Variants in MAP2 observed in about 807,000 individuals in gnomAD.
MAP2 encodes microtubule-associated protein 2.
In MAP2, 14 loss-of-function variants were observed where a neutral mutation model predicts 137.6. The observed-to-expected ratio is 0.10, with a 90% CI of 0.07 to 0.16. MAP2 has a LOEUF of 0.16. MAP2 is among the 10% of genes least tolerant of loss of function. The pLI is 1.00. For missense variants in MAP2, 2,088 were observed against 2,191.5 expected (o/e 0.95, Z 0.94); for synonymous variants, 786 against 782.3 (o/e 1.00, Z -0.08).
intron 2 of MAP2, among the ~76,000 whole-genome samples, chr2:209,576,478 C>T (rs891667699): frequency 2.6e-5 from 4 of 151,898 alleles, no homozygotes; most frequent in African/African-American, 7.3e-5. Flanking sequence ...AACTCCTGAC[C>T]TCAGGTGATC....
At chr2:209,580,210 G>A (rs1244675245) in intron 3 of MAP2, 110 bp downstream of exon 3, 2 of 152,014 alleles carry the variant, frequency 1.3e-5, no homozygotes, top group African/African-American at 2.4e-5. Context: ...TTAAGCTTAA[G>A]TTGATCATTG....
intron 7 of MAP2, among the ~76,000 whole-genome samples, chr2:209,688,358 A>T (rs904646026): frequency 1.3e-5 from 2 of 152,178 alleles, no homozygotes; most frequent in African/African-American, 2.4e-5. Context: ...CCTTAGACAC[A>T]TAATATTACT....
chr2:209,718,568 A>G (rs2068742121), intron 13 of MAP2, among the ~76,000 whole-genome samples: 1 of 151,820 alleles, frequency 6.6e-6, no homozygotes, highest in Non-Finnish European at 1.5e-5. Flanking sequence ...TATTCCACTA[A>G]AACGTTCTTT....
At chr2:209,480,537 A>AGTTTGTTTGTTT (rs71043928) in intron 1 of MAP2, among the ~76,000 whole-genome samples, 8,302 of 150,608 alleles carry the variant, frequency 0.055, 262 homozygotes, top group Middle Eastern at 0.082. Flanking sequence ...GATGATCTAA[A>AGTTTGTTTGTTT]GTTTGTTTGT....
chr2:209,567,037 T>C (rs894274353), intron 2 of MAP2, among the ~76,000 whole-genome samples: 6 of 152,180 alleles, frequency 3.9e-5, no homozygotes, highest in African/African-American at 1.4e-4. Context: ...AAAGTATGTA[T>C]AAACTGGACA....
chr2:209,672,761 GCCTA>G (rs2049410907), intron 5 of MAP2, among the ~76,000 whole-genome samples: 2 of 151,832 alleles, frequency 1.3e-5, no homozygotes. Context: ...AAATGAAAGT[GCCTA>G]CTGTAACAAC....
intron 6 of MAP2, among the ~76,000 whole-genome samples, chr2:209,680,347 T>C (rs191441571): frequency 6.6e-4 from 100 of 152,280 alleles, no homozygotes; most frequent in Admixed American, 6.3e-3. Context: ...AGAGTTCTAA[T>C]AGTTTTTTCA....
rs1435496212 is a variant in MAP2, at chr2:209,732,638, CT to C, written c.*2242del. 6.6e-6 allele frequency: 1 copy of C among 152,526 alleles called. No homozygotes were observed. Among genetic ancestry groups the C allele is most frequent in the South Asian group, 2.1e-4 (1 of 4,830 alleles). The allele number at this position is 152,526 out of a possible 1,614,324, so 9.4% of individuals were successfully genotyped here. On this transcript the variant is annotated 3_prime_UTR_variant, in exon 16 of 16. Transcript: ENST00000682079. ...AATTTCTCTAGAAAGAAGTTAACAG[CT>C]CATTAGAAAAGTTTTAACCTGTGAA...
chr2:209,553,271 A>G (rs1380335030), intron 2 of MAP2, among the ~76,000 whole-genome samples: 3 of 152,136 alleles, frequency 2.0e-5, no homozygotes, highest in Admixed American at 2.0e-4. Context: ...TCGGCCTCCC[A>G]AAGTGCTGGG....
intron 10 of MAP2, among the ~76,000 whole-genome samples, chr2:209,698,062 C>A (rs2060734911): frequency 6.6e-6 from 1 of 151,208 alleles, no homozygotes; most frequent in Non-Finnish European, 1.5e-5. Flanking sequence ...CTTGGCCAGG[C>A]TGGTTTTGAA....
chr2:209,499,078 C>T (rs1396605148), intron 1 of MAP2, among the ~76,000 whole-genome samples: 1 of 152,158 alleles, frequency 6.6e-6, no homozygotes, highest in African/African-American at 2.4e-5. Context: ...CTGTGCTTCC[C>T]TTTTAAATAT....
chr2:209,593,831 A>G (rs2080337973), intron 3 of MAP2, among the ~76,000 whole-genome samples: 1 of 90,064 alleles, frequency 1.1e-5, no homozygotes, highest in African/African-American at 4.1e-5. Flanking sequence ...CATTATATTT[A>G]TATTATATTA....
chr2:209,611,008 C>A (rs537689326), intron 3 of MAP2, among the ~76,000 whole-genome samples: 53 of 152,042 alleles, frequency 3.5e-4, no homozygotes, highest in Non-Finnish European at 4.7e-4. Flanking sequence ...ATTATACACA[C>A]AAAAAAGTTA....
chr2:209,481,754 G>A (rs770585863), intron 1 of MAP2, among the ~76,000 whole-genome samples: 2 of 152,122 alleles, frequency 1.3e-5, no homozygotes, highest in Non-Finnish European at 2.9e-5. Context: ...TGAATAAAGG[G>A]AATTATGATA....
chr2:209,457,970 G>A (rs551696163), intron 1 of MAP2, among the ~76,000 whole-genome samples: 2 of 152,128 alleles, frequency 1.3e-5, no homozygotes, highest in African/African-American at 4.8e-5. Context: ...TCTTGATTTT[G>A]TTGGGACTGC....
In MAP2 at chr2:209,693,642, C is replaced by G; in HGVS notation, c.1472C>G (p.Thr491Arg). 2 of 1,613,944 alleles carry G rather than the reference C, an allele frequency of 1.2e-6. No homozygotes were observed. Among genetic ancestry groups the G allele is most frequent in the Non-Finnish European group, 1.7e-6 (2 of 1,180,004 alleles). The change falls in exon 8 of 16, where the codon ACA becomes AGA. Residue 491 changes from threonine (T) to arginine (R), a missense_variant. Transcript: ENST00000682079. ...FSEQKDQEPT[T>R]DMLKQDSFPV... ...GAACAGAAAGACCAAGAGCCTACCA[C>G]AGATATGTTGAAACAGGACTCGTTC...
intron 4 of MAP2, among the ~76,000 whole-genome samples, chr2:209,642,565 T>C (rs1182898824): frequency 1.3e-5 from 2 of 152,190 alleles, no homozygotes; most frequent in Non-Finnish European, 2.9e-5. Flanking sequence ...CCTAATGTTA[T>C]CTGTGCCTAT....
At position 209,569,450 on chromosome 2, in the gene MAP2, C is replaced by T. The variant is rs147393764; in HGVS notation, c.-171-10586C>T. ...CAGGCAGAGTCTTGCCTTCATGAAG[C>T]TTACAAGTGAATGGGGAAAGACAAT... is the stretch of plus-strand genomic sequence containing the variant. On this transcript the variant is annotated intron_variant, in intron 2 of 15. Transcript: ENST00000682079. Among the ~76,000 whole-genome samples the T allele has an allele frequency of 2.2e-4, 33 of 151,794 alleles. No homozygotes were observed. The East Asian group carries it at 6.4e-3, about 29-fold the overall frequency.
chr2:209,648,084 T>C (rs900277527), intron 4 of MAP2, among the ~76,000 whole-genome samples: 2 of 151,220 alleles, frequency 1.3e-5, no homozygotes, highest in Non-Finnish European at 2.9e-5. Context: ...CTGATATCAA[T>C]AGATGTTTAA....
Sources: allele counts gnomAD v4.1 joint callset (sites outside exome capture counted in the v4.1 genomes callset), GRCh38; gene constraint gnomAD v4.1.1; transcripts MANE v1.5; gene names NCBI Gene and HGNC (gene_info 2026-07-23, HGNC 2026-07-21).